Variants in ILKAP observed in about 807,000 individuals in gnomAD.
ILKAP encodes ILK associated serine/threonine phosphatase, also known as integrin-linked kinase-associated serine/threonine phosphatase 2C.
In ILKAP, 11 loss-of-function variants were observed where a neutral mutation model predicts 49.1. The ratio of observed to expected loss-of-function variants is 0.22; its 90% confidence interval spans 0.14 to 0.37. The LOEUF (loss-of-function observed/expected upper bound fraction) is 0.37, where lower values mean the gene tolerates loss of function less well. Ranked by LOEUF, ILKAP falls within the 10% of genes least tolerant of loss-of-function variation. ILKAP has a pLI of 1.00. For missense variants in ILKAP, 363 were observed against 510.8 expected, an observed-to-expected ratio of 0.71 and a Z score of 2.79; for synonymous variants, 186 against 192.8, an observed-to-expected ratio of 0.96 and a Z score of 0.29.
intron 1 of ILKAP, among the ~76,000 whole-genome samples, chr2:238,202,110 A>T (rs1426488037): frequency 6.6e-6 from 1 of 152,230 alleles, no homozygotes; most frequent in African/African-American, 2.4e-5. Flanking sequence ...CTGTAATCTC[A>T]GCTAGTAGGG....
chr2:238,172,241 G>A (rs1693254650), intron 10 of ILKAP, among the ~76,000 whole-genome samples: 1 of 152,092 alleles, frequency 6.6e-6, no homozygotes, highest in Non-Finnish European at 1.5e-5. Context: ...TGGTAGAGAT[G>A]AGGTTTTGCC....
At chr2:238,190,659 T>C (rs2106337404) in intron 3 of ILKAP, among the ~76,000 whole-genome samples, 1 of 152,232 alleles carries the variant, frequency 6.6e-6, no homozygotes, top group East Asian at 1.9e-4. Context: ...AGGAAGAGCA[T>C]TTGTCACAGT....
chr2:238,186,016 G>A (rs1038590701), intron 5 of ILKAP: 6 of 152,138 alleles, frequency 3.9e-5, no homozygotes, highest in East Asian at 1.9e-4. Context: ...TCAGAACTCC[G>A]TTCCTATTTA....
chr2:238,180,812 G>T (rs1438634064), intron 9 of ILKAP, among the ~76,000 whole-genome samples: 8 of 152,228 alleles, frequency 5.3e-5, no homozygotes, highest in Admixed American at 5.2e-4. Flanking sequence ...TCAGCCATCG[G>T]ACTGTCAGTA....
intron 10 of ILKAP, among the ~76,000 whole-genome samples, 172 bp downstream of exon 10, chr2:238,173,362 C>T (rs1008261179): frequency 1.0e-4 from 15 of 148,280 alleles, no homozygotes; most frequent in Non-Finnish European, 1.5e-4. Context: ...GTGTCCCCCC[C>T]TACCACTGTG....
chr2:238,187,361 A>G (rs72991003), intron 5 of ILKAP, among the ~76,000 whole-genome samples: 3,264 of 152,264 alleles, frequency 0.021, 36 homozygotes, highest in South Asian at 0.063. Context: ...ATCAGCCCAA[A>G]CGGCTCCAGC....
chr2:238,199,571 C>T (rs895732082), intron 1 of ILKAP, among the ~76,000 whole-genome samples: 6 of 151,938 alleles, frequency 3.9e-5, no homozygotes. Context: ...CCCATCAATT[C>T]TGTGAGCCTT....
intron 8 of ILKAP, among the ~76,000 whole-genome samples, chr2:238,182,984 C>A (rs963324776): frequency 6.6e-6 from 1 of 152,170 alleles, no homozygotes; most frequent in African/African-American, 2.4e-5. Context: ...TGGACAGTCA[C>A]TTGATTCCTG....
rs765010274 is a variant in ILKAP, at chr2:238,170,652, C to T, written c.1063G>A (p.Gly355Arg). The T allele has an allele frequency of 2.5e-6, 4 of 1,598,330 alleles. No individual in the cohort carries two copies. In the South Asian group the frequency reaches 4.4e-5, roughly 18 times the overall value. ...LEDEKIQTREGKSAADARYEA... is the reference protein window; with the variant it reads ...LEDEKIQTRERKSAADARYEA... ...TAGCGGGCGTCGGCTGCGGACTTCC[C>T]TTCCCGGGTCTGGATCTTTTCATCC... The change falls in exon 12 of 12, where the codon GGG (glycine) becomes AGG (arginine). Residue 355 changes from glycine (G) to arginine (R), a missense_variant. Transcript: ENST00000254654.
intron 1 of ILKAP, among the ~76,000 whole-genome samples, chr2:238,199,398 T>C (rs908186353): frequency 1.3e-5 from 2 of 152,252 alleles, no homozygotes; most frequent in Non-Finnish European, 2.9e-5. Context: ...TGAGAAAGTC[T>C]ACTTCGCTAC....
At chr2:238,189,263 C>T (rs1256857026) in intron 4 of ILKAP, among the ~76,000 whole-genome samples, 1 of 151,382 alleles carries the variant, frequency 6.6e-6, no homozygotes, top group African/African-American at 2.4e-5. Context: ...TGCAGTGAGC[C>T]GAGATGGTGC....
At chr2:238,187,151 G>A (rs1443640738) in intron 5 of ILKAP, 1 of 152,270 alleles carries the variant, frequency 6.6e-6, no homozygotes, top group African/African-American at 2.4e-5. Flanking sequence ...TACTCAGGAC[G>A]CTGAGGTGGG....
chr2:238,190,904 AAG>A (rs1694095035), intron 3 of ILKAP, among the ~76,000 whole-genome samples: 1 of 137,554 alleles, frequency 7.3e-6, no homozygotes, highest in Admixed American at 7.2e-5. Context: ...AAAAAAAAAA[AAG>A]GATGCAAGTA....
intron 11 of ILKAP, 26 bp downstream of exon 11, chr2:238,170,917 C>T (rs754439885): frequency 1.9e-6 from 3 of 1,599,264 alleles, no homozygotes; most frequent in Admixed American, 3.3e-5. Flanking sequence ...TTGGGACAAC[C>T]ACCACCCCCG....
intron 2 of ILKAP, 195 bp from the exon 3 acceptor site, chr2:238,194,526 A>T: frequency 1.6e-6 from 1 of 615,368 alleles, no homozygotes; most frequent in Non-Finnish European, 2.9e-6. Flanking sequence ...AGGAAATAAA[A>T]ATCTGCCTTA....
At chr2:238,189,519 G>A (rs1694035930) in intron 4 of ILKAP, among the ~76,000 whole-genome samples, 1 of 152,114 alleles carries the variant, frequency 6.6e-6, no homozygotes, top group Non-Finnish European at 1.5e-5. Flanking sequence ...TTGACAAACT[G>A]CAAACAAAGA....
At chr2:238,186,615 C>T (rs1693918481) in intron 5 of ILKAP, 1 of 152,010 alleles carries the variant, frequency 6.6e-6, no homozygotes, top group Admixed American at 6.6e-5. Flanking sequence ...ATTTTTAAAA[C>T]CTATCTTACT....
At chr2:238,185,026 C>A (rs1693846225) in intron 6 of ILKAP, among the ~76,000 whole-genome samples, 155 bp downstream of exon 6, 1 of 152,168 alleles carries the variant, frequency 6.6e-6, no homozygotes, top group Non-Finnish European at 1.5e-5. Flanking sequence ...GGCCGCTACT[C>A]CTGGAAGCCT....
intron 3 of ILKAP, among the ~76,000 whole-genome samples, chr2:238,192,231 A>G (rs1574802479): frequency 1.3e-5 from 2 of 151,962 alleles, no homozygotes; most frequent in Non-Finnish European, 1.5e-5. Context: ...AAGAAAAAGA[A>G]AAAAAGAAAA....
Sources: gnomAD v4.1 joint callset for allele counts (sites outside exome capture counted in the v4.1 genomes callset) on GRCh38, gnomAD v4.1.1 for gene constraint, MANE v1.5 for transcripts, NCBI Gene and HGNC (gene_info 2026-07-23, HGNC 2026-07-21) for gene names.